Variants in BCL6 observed in about 807,000 individuals in gnomAD.
BCL6 encodes B-cell lymphoma 6 protein.
Under a neutral mutation model 59.5 loss-of-function variants are expected in BCL6, and 7 were observed. The observed-to-expected ratio is 0.12, with a 90% confidence interval of 0.07 to 0.22. The LOEUF (loss-of-function observed/expected upper bound fraction) is 0.22, where lower values mean the gene tolerates loss of function less well. Among genes scored for constraint, BCL6 ranks in the 10% least tolerant of loss-of-function variants. BCL6 has a pLI of 1.00. For synonymous variants in BCL6, 339 were observed against 349.7 expected, an observed-to-expected ratio of 0.97 and a Z score of 0.34; for missense variants, 685 against 939.4, an observed-to-expected ratio of 0.73 and a Z score of 3.54.
rs780773040 is a variant in BCL6, at chr3:187,729,008, A to C, written c.1355+42T>G. The C allele has an allele frequency of 6.6e-7, 1 of 1,508,468 alleles. No individual in the cohort carries two copies. Among genetic ancestry groups the C allele is most frequent in the Non-Finnish European group, 8.8e-7 (1 of 1,130,810 alleles). The allele number at this position is 1,508,468 out of a possible 1,614,324, so 93.4% of individuals were successfully genotyped here. On this transcript the variant is annotated intron_variant, in intron 5 of 9. Coordinates refer to ENST00000406870, the MANE Select transcript of BCL6 (RefSeq NM_001706.5). This position sits in a 1 kb window ranked among gnomAD's most constrained non-coding sequence, Gnocchi z 5.6. ...GAAGAAACGACATGGAACCCTGCCC[A>C]GGTAACCCCTGACCTCAGACCCAGA...
chr3:187,724,842 C>T, intron 9 of BCL6, 99 bp downstream of exon 9: 1 of 1,519,118 alleles, frequency 6.6e-7, no homozygotes, highest in Non-Finnish European at 8.9e-7. Flanking sequence ...GCAAACAGTT[C>T]CACTGCCTCC....
rs200061573 is a variant in BCL6 at position 187,725,085 on chromosome 3, G to A, written c.1840-7C>T. 2.2e-4 allele frequency: 361 copies of A among 1,613,556 alleles called. 4 individuals carry two copies. The highest frequency in any genetic ancestry group is 1.7e-3 in the South Asian group (154 of 91,064). On this transcript the variant is annotated splice_polypyrimidine_tract_variant and splice_region_variant and intron_variant, in intron 8 of 9. Transcript: ENST00000406870. The surrounding 1 kb of genome is among the most constrained non-coding windows in gnomAD (Gnocchi z 4.7). ...GGGCACGGAGGTGGGCCACCTGAAC[G>A]AAGAAGAAGGCATGAGAGGTCTTCT...
intron 1 of BCL6, among the ~76,000 whole-genome samples, chr3:187,735,928 T>C (rs756530858): frequency 8.5e-5 from 13 of 152,146 alleles, no homozygotes; most frequent in East Asian, 3.9e-4. Context: ...ACATGGTTGG[T>C]GACCCGGCCC....
In BCL6 at chr3:187,725,367, T is replaced by C. The variant is rs1207519719; in HGVS notation, c.1839+132A>G. On this transcript the variant is annotated intron_variant, in intron 8 of 9. Transcript: ENST00000406870. This position sits in a 1 kb window ranked among gnomAD's most constrained non-coding sequence, Gnocchi z 4.7. ...GAGTGGGACTTTCTCCTGCCCGCTC[T>C]GCTCACCTGCCCGCTCCGCTTGCCT... The C allele has an allele frequency of 2.0e-5, 30 of 1,505,440 alleles. No individual in the cohort carries two copies. The East Asian group carries it at 4.5e-4, about 23-fold the overall frequency. The allele number at this position is 1,505,440 out of a possible 1,614,324, so 93.3% of individuals were successfully genotyped here.
chr3:187,733,953 T>G, intron 2 of BCL6: 1 of 498,322 alleles, frequency 2.0e-6, no homozygotes. Context: ...AATGAATATT[T>G]GTTGAGTGTT....
In BCL6 at chr3:187,725,655, A is replaced by G. The variant is rs1466180529; in HGVS notation, c.1709-26T>C. 1.2e-5 allele frequency: 19 copies of G among 1,613,914 alleles called. No homozygotes were observed. Among genetic ancestry groups the G allele is most frequent in the Non-Finnish European group, 1.6e-5 (19 of 1,179,906 alleles). On this transcript the variant is annotated intron_variant, in intron 7 of 9. Coordinates refer to ENST00000406870, the MANE Select transcript of BCL6 (RefSeq NM_001706.5). This position sits in a 1 kb window ranked among gnomAD's most constrained non-coding sequence, Gnocchi z 4.7. ...CTATTACCAAGAAAAAGGGAAAAAGAAAAGCCATATTCAATAAGGAAGGTC... is the reference window on the plus strand; with the variant it reads ...CTATTACCAAGAAAAAGGGAAAAAGGAAAGCCATATTCAATAAGGAAGGTC...
At chr3:187,731,250 C>T (rs1039934042) in intron 4 of BCL6, among the ~76,000 whole-genome samples, 1 of 151,920 alleles carries the variant, frequency 6.6e-6, no homozygotes, top group Non-Finnish European at 1.5e-5. Context: ...ACAGTCTGGT[C>T]GGGAACTAAG....
chr3:187,729,987 G>A lies in BCL6; in HGVS notation c.418C>T (p.Arg140Cys), dbSNP rs779270221. Residue 140 changes from arginine to cysteine, a missense_variant, in exon 5 of 10, where the codon CGT (arginine) becomes TGT (cysteine). This residue lies in a region of BCL6 where 268 missense variants were observed against 263.8 expected (regional missense o/e 1.02). Coordinates refer to ENST00000406870, the MANE Select transcript of BCL6 (RefSeq NM_001706.5). The surrounding 1 kb of genome is among the most constrained non-coding windows in gnomAD (Gnocchi z 5.6). ...ATCCGGCTGTTGAGGAACTCTTCAC[G>A]AGGAGGCTTGATGGCAGAAACCATC... ...AEMVSAIKPPREEFLNSRMLM... is the reference protein window; with the variant it reads ...AEMVSAIKPPCEEFLNSRMLM... 16 of 1,587,054 alleles carry A rather than the reference G, an allele frequency of 1.0e-5. No individual in the cohort carries two copies. Among genetic ancestry groups the A allele is most frequent in the Non-Finnish European group, 1.2e-5 (14 of 1,165,030 alleles).
At chr3:187,745,132 T>C (rs562494417) in intron 1 of BCL6, among the ~76,000 whole-genome samples, 4 of 151,870 alleles carry the variant, frequency 2.6e-5, no homozygotes, top group South Asian at 2.1e-4. Context: ...ATAATAATAA[T>C]AAATACATAA....
At chr3:187,723,716 C>A (rs1431085029) in intron 9 of BCL6, among the ~76,000 whole-genome samples, 1 of 152,204 alleles carries the variant, frequency 6.6e-6, no homozygotes, top group Admixed American at 6.5e-5. Flanking sequence ...AGAGAATCTA[C>A]TGTATCTATG....
rs751054254 is a variant in BCL6 at position 187,725,741 on chromosome 3, T to C, written c.1709-112A>G. On this transcript the variant is annotated intron_variant, in intron 7 of 9. Coordinates refer to ENST00000406870, the MANE Select transcript of BCL6 (RefSeq NM_001706.5). This position sits in a 1 kb window ranked among gnomAD's most constrained non-coding sequence, Gnocchi z 4.7. ...TGCTCCTCCCTGAGGCCACTTGTGT[T>C]TTCCTTTCCCTTAGGGAATGTGAGA... 36 of 1,358,248 alleles carry C rather than the reference T, an allele frequency of 2.7e-5. No homozygotes were observed. Among genetic ancestry groups the C allele is most frequent in the Non-Finnish European group, 3.4e-5 (34 of 991,698 alleles). The allele number at this position is 1,358,248 out of a possible 1,614,324, so 84.1% of individuals were successfully genotyped here.
At position 187,729,127 on chromosome 3, in the gene BCL6, C is replaced by T; in HGVS notation, c.1278G>A (p.Gln426=). The change falls in exon 5 of 10, where the codon CAG becomes CAA. Residue 426 remains glutamine (Q), a synonymous_variant. Coordinates refer to ENST00000406870, the MANE Select transcript of BCL6 (RefSeq NM_001706.5). The surrounding 1 kb of genome is among the most constrained non-coding windows in gnomAD (Gnocchi z 5.6). ...CGCTGGCACTCAGCTTGGTTGGGGA[C>T]TGGAGGTCAAGGTTCTCAGGCTCCA... ...PPMEPENLDL[Q]SPTKLSASGE... 6.3e-7 allele frequency: 1 copy of T among 1,586,914 alleles called. No individual in the cohort carries two copies. The highest frequency in any genetic ancestry group is 8.6e-7 in the Non-Finnish European group (1 of 1,165,122).
intron 1 of BCL6, among the ~76,000 whole-genome samples, chr3:187,742,083 G>A (rs560724378): frequency 1.3e-5 from 2 of 151,882 alleles, no homozygotes; most frequent in African/African-American, 4.8e-5. Flanking sequence ...CTTTTTATCC[G>A]TTAGTTTTAT....
At chr3:187,726,972 T>C in intron 6 of BCL6, 74 bp from the exon 7 acceptor site, 1 of 1,522,036 alleles carries the variant, frequency 6.6e-7, no homozygotes. Flanking sequence ...CGCTCTCCTC[T>C]GTAGCTACCC....
chr3:187,722,643 C>G (rs1278855552), intron 9 of BCL6, 42 bp from the exon 10 acceptor site: 1 of 1,594,432 alleles, frequency 6.3e-7, no homozygotes, highest in South Asian at 1.1e-5. Context: ...GTCATCAACC[C>G]AAGAAAGATG....
At chr3:187,744,686 A>G (rs1576885378) in intron 1 of BCL6, among the ~76,000 whole-genome samples, 1 of 152,266 alleles carries the variant, frequency 6.6e-6, no homozygotes, top group Admixed American at 6.5e-5. Flanking sequence ...GAAGAGAGCC[A>G]GCGGGGCGAG....
At chr3:187,722,730 G>T in intron 9 of BCL6, 129 bp from the exon 10 acceptor site, 2 of 1,199,376 alleles carry the variant, frequency 1.7e-6, no homozygotes, top group Non-Finnish European at 2.3e-6. Context: ...AAGGCCAGGT[G>T]AAGAACCCAT....
At chr3:187,744,585 A>G (rs1711795346) in intron 1 of BCL6, among the ~76,000 whole-genome samples, 3 of 152,262 alleles carry the variant, frequency 2.0e-5, no homozygotes, top group South Asian at 4.1e-4. Context: ...CAAAAAAACA[A>G]AAACAAAAAC....
At chr3:187,733,455 C>G in intron 3 of BCL6, 78 bp downstream of exon 3, 1 of 1,526,228 alleles carries the variant, frequency 6.6e-7, no homozygotes, top group Non-Finnish European at 8.9e-7. Context: ...GTAAAAGGCC[C>G]ACATGTTCTG....
Sources: gnomAD v4.1 joint callset for allele counts (sites outside exome capture counted in the v4.1 genomes callset) on GRCh38, gnomAD v4.1.1 for gene constraint, gnomAD v4.1.1 regional missense constraint, Gnocchi (gnomAD v3.1) non-coding constraint, MANE v1.5 for transcripts, NCBI Gene and HGNC (gene_info 2026-07-23, HGNC 2026-07-21) for gene names.